Variants in GRIK2 observed in about 807,000 individuals in gnomAD.
GRIK2 encodes glutamate ionotropic receptor kainate type subunit 2, also known as glutamate receptor ionotropic, kainate 2.
Under a neutral mutation model 100.3 loss-of-function variants are expected in GRIK2, and 32 were observed. The ratio of observed to expected loss-of-function variants is 0.32; its 90% CI spans 0.24 to 0.43. The LOEUF is 0.43. Among genes scored for constraint, GRIK2 ranks in the 20% least tolerant of loss-of-function variants. The pLI is 1.00. For synonymous variants in GRIK2, 417 were observed against 389.4 expected, an observed-to-expected ratio of 1.07 and a Z score of -0.83; for missense variants, 843 against 1,114.9, an observed-to-expected ratio of 0.76 and a Z score of 3.47.
chr6:101,708,020 A>G (rs1170459924), intron 7 of GRIK2, among the ~76,000 whole-genome samples: 2 of 151,738 alleles, frequency 1.3e-5, no homozygotes, highest in East Asian at 3.9e-4. Context: ...TTAAGCAAAA[A>G]TAATATATGG....
intron 14 of GRIK2, among the ~76,000 whole-genome samples, chr6:102,028,384 A>G (rs7741394): frequency 1.3e-5 from 2 of 150,966 alleles, no homozygotes; most frequent in Non-Finnish European, 3.0e-5. Flanking sequence ...GCTGATGTAG[A>G]AAAAAACAAA....
intron 2 of GRIK2, among the ~76,000 whole-genome samples, chr6:101,424,534 G>A (rs1303262856): frequency 1.3e-5 from 2 of 150,774 alleles, no homozygotes; most frequent in African/African-American, 2.4e-5. Context: ...ATTCCATGGT[G>A]TATGTGTGCC....
At chr6:101,662,119 A>AGGGTTAAAACCC (rs1769668901) in intron 4 of GRIK2, among the ~76,000 whole-genome samples, 1 of 152,202 alleles carries the variant, frequency 6.6e-6, no homozygotes, top group Non-Finnish European at 1.5e-5. Context: ...TGATTATACC[A>AGGGTTAAAACCC]AGGGTTAAAA....
intron 10 of GRIK2, among the ~76,000 whole-genome samples, chr6:101,844,076 T>C (rs1783671697): frequency 6.6e-6 from 1 of 152,278 alleles, no homozygotes; most frequent in African/African-American, 2.4e-5. Flanking sequence ...ACCTCATTTT[T>C]AATTTTACAG....
intron 2 of GRIK2, among the ~76,000 whole-genome samples, chr6:101,515,649 C>A (rs1193126769): frequency 6.6e-6 from 1 of 152,118 alleles, no homozygotes; most frequent in Non-Finnish European, 1.5e-5. Flanking sequence ...CTTTAACTTA[C>A]ATTTCCCTGA....
intron 15 of GRIK2, among the ~76,000 whole-genome samples, chr6:102,039,186 T>C (rs1770438817): frequency 6.6e-6 from 1 of 151,488 alleles, no homozygotes; most frequent in East Asian, 1.9e-4. Flanking sequence ...GTGAGATCGC[T>C]GAATGACTCA....
intron 9 of GRIK2, among the ~76,000 whole-genome samples, chr6:101,810,435 C>T (rs1212490304): frequency 1.3e-5 from 2 of 151,934 alleles, no homozygotes; most frequent in Admixed American, 1.3e-4. Context: ...CTATAGTTCT[C>T]GAATGGTAAA....
At chr6:101,543,503 A>G (rs577745572) in intron 2 of GRIK2, among the ~76,000 whole-genome samples, 2 of 152,316 alleles carry the variant, frequency 1.3e-5, no homozygotes, top group South Asian at 2.1e-4. Context: ...AAGAATATCT[A>G]ACATTTGTTT....
chr6:101,701,275 T>C lies in GRIK2; in HGVS notation c.951+14922T>C, dbSNP rs200511746. On this transcript the variant is annotated intron_variant, in intron 7 of 16. Transcript: ENST00000369134. ...CCAGAAGCTGAGAGAATTTAAGTAG[T>C]GTTGAATGTCAAAGAATTACTGCAT... 1.2e-4 allele frequency among the ~76,000 whole-genome samples: 18 copies of C among 152,132 alleles called. No individual in the cohort carries two copies. In the East Asian group the frequency reaches 2.3e-3, roughly 20 times the overall value.
At chr6:101,880,978 CTA>C (rs1786201870) in intron 11 of GRIK2, among the ~76,000 whole-genome samples, 1 of 151,786 alleles carries the variant, frequency 6.6e-6, no homozygotes, top group Non-Finnish European at 1.5e-5. Flanking sequence ...AATCACTAAA[CTA>C]TTTACTCATT....
At chr6:101,768,198 A>G (rs1434527430) in intron 7 of GRIK2, among the ~76,000 whole-genome samples, 1 of 152,190 alleles carries the variant, frequency 6.6e-6, no homozygotes, top group Non-Finnish European at 1.5e-5. Context: ...TAGAAACACA[A>G]CATAAATTGC....
Position 101,867,327 on chromosome 6 carries a change from T to C in GRIK2, c.1524+7834T>C, listed in dbSNP as rs932059969. Among the ~76,000 whole-genome samples the C allele has an allele frequency of 5.3e-5, 8 of 152,012 alleles. 1 individual carries two copies. Among genetic ancestry groups the C allele is most frequent in the African/African-American group, 1.5e-4 (6 of 41,334 alleles). On this transcript the variant is annotated intron_variant, in intron 11 of 16. Transcript: ENST00000369134. ...ATTCTGTGATTATAATCTCAGACGA[T>C]AGAGACATTAGGAATTATGAAAAGT...
At chr6:101,906,001 TA>T (rs1255782660) in intron 12 of GRIK2, among the ~76,000 whole-genome samples, 1 of 151,658 alleles carries the variant, frequency 6.6e-6, no homozygotes, top group African/African-American at 2.4e-5. Context: ...ATACAGCAAC[TA>T]AAAATAGTTT....
chr6:101,908,532 A>G (rs936109753), intron 12 of GRIK2, among the ~76,000 whole-genome samples: 1 of 151,298 alleles, frequency 6.6e-6, no homozygotes, highest in Admixed American at 6.6e-5. Context: ...CTATATTTAT[A>G]TAAAAATTTT....
At chr6:101,492,069 T>C (rs1189891287) in intron 2 of GRIK2, among the ~76,000 whole-genome samples, 1 of 151,962 alleles carries the variant, frequency 6.6e-6, no homozygotes, top group Non-Finnish European at 1.5e-5. Flanking sequence ...TTAGTTAAGG[T>C]GGTAATTACT....
chr6:101,974,390 A>G (rs1374030122), intron 14 of GRIK2, among the ~76,000 whole-genome samples: 1 of 152,026 alleles, frequency 6.6e-6, no homozygotes, highest in East Asian at 1.9e-4. Context: ...TTAAGATACT[A>G]TTAGGCATAT....
chr6:101,670,432 G>A (rs1163837366), intron 4 of GRIK2, among the ~76,000 whole-genome samples: 1 of 152,118 alleles, frequency 6.6e-6, no homozygotes, highest in East Asian at 1.9e-4. Flanking sequence ...GTATGAGTGT[G>A]AAGAGAATAA....
intron 7 of GRIK2, among the ~76,000 whole-genome samples, chr6:101,770,453 T>C (rs530911721): frequency 7.2e-5 from 11 of 152,060 alleles, no homozygotes; most frequent in Non-Finnish European, 1.2e-4. Flanking sequence ...ATTTCCTAAA[T>C]GGCATACGAT....
intron 7 of GRIK2, among the ~76,000 whole-genome samples, chr6:101,711,691 A>T (rs1205509437): frequency 6.6e-6 from 1 of 151,830 alleles, no homozygotes; most frequent in Admixed American, 6.6e-5. Context: ...TACATGTAAG[A>T]TCAAAAGAGG....
Sources: allele counts gnomAD v4.1 joint callset (sites outside exome capture counted in the v4.1 genomes callset), GRCh38; gene constraint gnomAD v4.1.1; transcripts MANE v1.5; gene names NCBI Gene and HGNC (gene_info 2026-07-23, HGNC 2026-07-21).